The following FBXW11 variants were observed in gnomAD, a reference collection of about 807,000 sequenced individuals.
FBXW11 encodes the protein F-box and WD repeat domain containing 11, also known as F-box/WD repeat-containing protein 11.
A neutral mutation model predicts 77.6 loss-of-function variants in FBXW11; 19 were observed. The ratio of observed to expected loss-of-function variants is 0.24; its 90% CI spans 0.17 to 0.36. The LOEUF is 0.36. FBXW11 is among the 10% of genes least tolerant of loss of function. The pLI is 1.00. For synonymous variants in FBXW11, 235 were observed against 249.4 expected (o/e 0.94, Z 0.54); for missense variants, 334 against 704.2 (o/e 0.47, Z 5.95).
intron 2 of FBXW11, among the ~76,000 whole-genome samples, chr5:171,925,805 A>C (rs1761861702): frequency 6.6e-6 from 1 of 152,212 alleles, no homozygotes; most frequent in Admixed American, 6.5e-5. Flanking sequence ...TACTTTACAA[A>C]GTAGATTTTT....
chr5:171,883,908 ATTTG>A (rs1473626260), intron 7 of FBXW11, among the ~76,000 whole-genome samples: 10 of 150,116 alleles, frequency 6.7e-5, no homozygotes, highest in Admixed American at 3.3e-4. Context: ...TTTCTTGTTG[ATTTG>A]TTTGAGTTCA....
rs183503874 is a variant in FBXW11 at position 171,875,929 on chromosome 5, G to C, written c.1221+356C>G. ...ACACAATCCTTTACTCTCTGAGCCA[G>C]ATGTGTAAAATGGGGCCACACCTAC... is the stretch of plus-strand genomic sequence containing the variant. On this transcript the variant is annotated intron_variant, in intron 9 of 13. Transcript: ENST00000517395. Among the ~76,000 whole-genome samples the C allele has an allele frequency of 6.3e-4, 96 of 152,334 alleles. No individual in the cohort carries two copies. The East Asian group carries it at 0.013, about 20-fold the overall frequency.
intron 2 of FBXW11, among the ~76,000 whole-genome samples, chr5:171,934,676 C>CAA (rs34077162): frequency 1.4e-4 from 10 of 69,188 alleles, no homozygotes; most frequent in African/African-American, 2.1e-4. Context: ...GACCCTGTCT[C>CAA]AAAAAAAAAA....
intron 13 of FBXW11, among the ~76,000 whole-genome samples, chr5:171,867,317 A>G (rs1288124724): frequency 6.6e-6 from 1 of 152,250 alleles, no homozygotes; most frequent in Non-Finnish European, 1.5e-5. Context: ...AGGAATGAGC[A>G]TGGCTGTGTA....
intron 1 of FBXW11, among the ~76,000 whole-genome samples, chr5:171,966,298 G>A (rs1349017458): frequency 6.6e-6 from 1 of 151,900 alleles, no homozygotes; most frequent in African/African-American, 2.4e-5. Context: ...GTGGCCCTTG[G>A]AAACATCAAA....
chr5:171,931,489 G>A (rs1195278828), intron 2 of FBXW11, among the ~76,000 whole-genome samples: 5 of 152,102 alleles, frequency 3.3e-5, no homozygotes, highest in Non-Finnish European at 7.3e-5. Context: ...AATGAATCTA[G>A]ACACTCAGCT....
chr5:171,895,704 T>C (rs757850829), intron 6 of FBXW11, among the ~76,000 whole-genome samples: 2 of 152,158 alleles, frequency 1.3e-5, no homozygotes, highest in African/African-American at 2.4e-5. Context: ...CACGCTAGAG[T>C]GAAAGCAGCA....
chr5:171,933,529 C>T (rs1477448993), intron 2 of FBXW11, among the ~76,000 whole-genome samples: 4 of 152,196 alleles, frequency 2.6e-5, no homozygotes, highest in Non-Finnish European at 5.9e-5. Context: ...AAGGTAGGCT[C>T]ATCCATTGCA....
chr5:171,932,088 T>C (rs1386840363), intron 2 of FBXW11, among the ~76,000 whole-genome samples: 4 of 152,030 alleles, frequency 2.6e-5, no homozygotes, highest in Admixed American at 1.3e-4. Context: ...TTGCCCAAGC[T>C]GGTCTCGAAC....
intron 7 of FBXW11, 26 bp downstream of exon 7, chr5:171,891,441 A>C: frequency 1.3e-6 from 2 of 1,560,918 alleles, no homozygotes; most frequent in Non-Finnish European, 1.7e-6. Flanking sequence ...TTCTAAAAAT[A>C]ATACATAAAA....
At chr5:171,965,652 A>G (rs1236044987) in intron 1 of FBXW11, among the ~76,000 whole-genome samples, 1 of 152,116 alleles carries the variant, frequency 6.6e-6, no homozygotes, top group Non-Finnish European at 1.5e-5. Context: ...TTATTCATCC[A>G]TATTTTCCGA....
chr5:171,947,654 T>C (rs913157738), intron 2 of FBXW11, among the ~76,000 whole-genome samples: 9 of 152,160 alleles, frequency 5.9e-5, no homozygotes, highest in Non-Finnish European at 1.3e-4. Context: ...TTAATGTCCA[T>C]TAATAAGAGA....
At chr5:171,983,103 T>C (rs926054557) in intron 1 of FBXW11, among the ~76,000 whole-genome samples, 5 of 152,036 alleles carry the variant, frequency 3.3e-5, no homozygotes, top group African/African-American at 1.2e-4. Flanking sequence ...TGAGGCAGGA[T>C]TGCTTAAGCC....
At chr5:171,947,541 T>TA (rs760595074) in intron 2 of FBXW11, among the ~76,000 whole-genome samples, 268 of 140,864 alleles carry the variant, frequency 1.9e-3, no homozygotes, top group East Asian at 5.9e-3. Flanking sequence ...TCTCAATTAT[T>TA]AAAAAAAAAA....
At chr5:171,871,261 G>A (rs1267502872) in intron 10 of FBXW11, among the ~76,000 whole-genome samples, 1 of 152,186 alleles carries the variant, frequency 6.6e-6, no homozygotes, top group African/African-American at 2.4e-5. Context: ...GGGAGACAGG[G>A]ATTGTAGGCA....
chr5:171,996,147 C>A (rs1172861021), intron 1 of FBXW11, among the ~76,000 whole-genome samples: 3 of 152,178 alleles, frequency 2.0e-5, no homozygotes, highest in South Asian at 4.1e-4. Flanking sequence ...AGTTAGTAAA[C>A]CTCCCCAAGA....
At chr5:171,990,718 T>TA (rs1204657412) in intron 1 of FBXW11, among the ~76,000 whole-genome samples, 2 of 152,226 alleles carry the variant, frequency 1.3e-5, no homozygotes, top group East Asian at 1.9e-4. Flanking sequence ...ATATTTTACT[T>TA]AAAAAAAGGT....
chr5:171,885,180 A>C (rs1758794235), intron 7 of FBXW11, among the ~76,000 whole-genome samples: 1 of 152,214 alleles, frequency 6.6e-6, no homozygotes, highest in African/African-American at 2.4e-5. Flanking sequence ...AGACCTTATC[A>C]AGAAGTACAG....
intron 2 of FBXW11, among the ~76,000 whole-genome samples, chr5:171,928,095 C>G (rs956671815): frequency 6.6e-6 from 1 of 150,960 alleles, no homozygotes; most frequent in African/African-American, 2.4e-5. Context: ...GTTCTTCAGA[C>G]AAAAAGAAAA....
Sources: allele counts gnomAD v4.1 joint callset (sites outside exome capture counted in the v4.1 genomes callset), GRCh38; gene constraint gnomAD v4.1.1; transcripts MANE v1.5; gene names NCBI Gene and HGNC (gene_info 2026-07-23, HGNC 2026-07-21).